KAZN: variants seen among roughly 807,000 people sequenced by gnomAD.
KAZN encodes kazrin.
Under a neutral mutation model 87.4 loss-of-function variants are expected in KAZN, and 40 were observed. The observed-to-expected ratio is 0.46, with a 90% CI of 0.36 to 0.60. The LOEUF is 0.60. KAZN is among the 20% of genes least tolerant of loss of function. The pLI is 0.00. For synonymous variants in KAZN, 466 were observed against 458.3 expected, an observed-to-expected ratio of 1.02 and a Z score of -0.22; for missense variants, 898 against 1,073.9, an observed-to-expected ratio of 0.84 and a Z score of 2.29.
chr1:14,609,333 C>T (rs1677629106), intron 1 of KAZN, among the ~76,000 whole-genome samples: 1 of 152,108 alleles, frequency 6.6e-6, no homozygotes, highest in Admixed American at 6.5e-5. Context: ...ACCAGGCAGC[C>T]CTGCTGGAGG....
chr1:14,629,874 G>A lies in KAZN; in HGVS notation c.226+30651G>A, dbSNP rs149529969. On this transcript the variant is annotated intron_variant, in intron 1 of 14. Coordinates refer to ENST00000376030, the MANE Select transcript of KAZN (RefSeq NM_201628.3). ...CTGGGGCTAGGGCTGGAGAAAACCC[G>A]GCAGCCTGCTGGTGGATGTTGATCA... is the stretch of plus-strand genomic sequence containing the variant. Among the ~76,000 whole-genome samples the A allele has an allele frequency of 5.2e-3, 784 of 152,190 alleles. 14 individuals carry two copies. The highest frequency in any genetic ancestry group is 0.018 in the African/African-American group (748 of 41,504).
At chr1:13,966,671 A>C (rs1641956672) in intron 1 of KAZN, among the ~76,000 whole-genome samples, 1 of 152,206 alleles carries the variant, frequency 6.6e-6, no homozygotes, top group East Asian at 1.9e-4. Flanking sequence ...TGGGTGCTCC[A>C]AGTGTGGCTA....
rs1645572004 is a variant in KAZN, at chr1:14,155,438, C to A, written c.92-24997C>A. Among the ~76,000 whole-genome samples the A allele has an allele frequency of 2.0e-5, 3 of 151,984 alleles. No individual in the cohort carries two copies. In the South Asian group the frequency reaches 6.2e-4, roughly 32 times the overall value. Reference sequence around the variant, plus strand: ...TTCTCTCTTTTTTTTCTTAGTCTTGCTAATGATTTGTCAATTTTGCTTATC... The same window carrying A: ...TTCTCTCTTTTTTTTCTTAGTCTTGATAATGATTTGTCAATTTTGCTTATC... On this transcript the variant is annotated intron_variant, in intron 1 of 16. Transcript: ENST00000636203.
At chr1:13,972,970 A>T (rs1361589564) in intron 1 of KAZN, among the ~76,000 whole-genome samples, 1 of 152,214 alleles carries the variant, frequency 6.6e-6, no homozygotes, top group East Asian at 1.9e-4. Context: ...TGTCTATCAC[A>T]TGCCAGGAAT....
intron 1 of KAZN, among the ~76,000 whole-genome samples, chr1:14,902,574 C>T (rs551992615): frequency 6.6e-6 from 1 of 152,162 alleles, no homozygotes; most frequent in East Asian, 1.9e-4. Context: ...CAAGGGGAGG[C>T]TAATATTCAG....
chr1:15,093,572 C>A (rs139610737), intron 8 of KAZN, among the ~76,000 whole-genome samples: 1 of 152,010 alleles, frequency 6.6e-6, no homozygotes, highest in African/African-American at 2.4e-5. Flanking sequence ...CATAAGGTAA[C>A]ATAGACAGAT....
intron 2 of KAZN, among the ~76,000 whole-genome samples, chr1:14,515,990 G>A (rs12733185): frequency 0.48 from 73,301 of 151,874 alleles, 18,615 homozygotes; most frequent in South Asian, 0.63. Flanking sequence ...TGTATCACTA[G>A]GGCCTAAACA....
At chr1:14,763,307 G>C (rs1019207472) in intron 1 of KAZN, among the ~76,000 whole-genome samples, 3 of 152,218 alleles carry the variant, frequency 2.0e-5, no homozygotes, top group African/African-American at 7.2e-5. Flanking sequence ...TGCTTGCAAG[G>C]AATTCCTCTT....
chr1:14,341,166 TA>T (rs61163804), intron 2 of KAZN, among the ~76,000 whole-genome samples: 151,443 of 151,972 alleles, frequency 1, 75,458 homozygotes, highest in Middle Eastern at 1. Context: ...GTGTTGGGAT[TA>T]ACAGGCATGA....
intron 2 of KAZN, among the ~76,000 whole-genome samples, chr1:14,306,711 C>T (rs1654956055): frequency 6.6e-6 from 1 of 152,162 alleles, no homozygotes; most frequent in Non-Finnish European, 1.5e-5. Context: ...AGCAGCCAAT[C>T]GCAGACCATG....
chr1:14,929,069 T>C (rs2101559497), intron 1 of KAZN, among the ~76,000 whole-genome samples: 1 of 152,208 alleles, frequency 6.6e-6, no homozygotes, highest in East Asian at 1.9e-4. Flanking sequence ...CAGTTTACCC[T>C]TCTGTAAAAT....
chr1:15,109,937 G>GTGTTTGTGTGTT (rs758013389), intron 13 of KAZN, among the ~76,000 whole-genome samples: 45 of 140,558 alleles, frequency 3.2e-4, no homozygotes, highest in Non-Finnish European at 5.1e-4. Flanking sequence ...GTGTGTGTGT[G>GTGTTTGTGTGTT]TGTGTTTGTG....
chr1:14,093,513 C>T (rs1427314851), intron 1 of KAZN, among the ~76,000 whole-genome samples: 1 of 152,116 alleles, frequency 6.6e-6, no homozygotes, highest in Non-Finnish European at 1.5e-5. Flanking sequence ...TCCCTGTCTG[C>T]CTGATATGAC....
At chr1:14,381,777 GC>G (rs2101050813) in intron 2 of KAZN, among the ~76,000 whole-genome samples, 1 of 152,248 alleles carries the variant, frequency 6.6e-6, no homozygotes, top group East Asian at 1.9e-4. Context: ...CAACAAGGAT[GC>G]CCACTGTCAC....
intron 4 of KAZN, among the ~76,000 whole-genome samples, chr1:15,049,282 G>A (rs970129725): frequency 5.3e-5 from 8 of 152,218 alleles, no homozygotes; most frequent in African/African-American, 1.9e-4. Flanking sequence ...CTGGGAGCCC[G>A]GCTCACACGG....
Position 15,023,613 on chromosome 1 carries a change from G to A in KAZN, c.419-11136G>A, listed in dbSNP as rs72869614. ...TTGTAGACCATTGGAAGGACTTTGCGCTCCCCCTTGATGGGGACAGGAGTT... is the reference window on the plus strand; with the variant it reads ...TTGTAGACCATTGGAAGGACTTTGCACTCCCCCTTGATGGGGACAGGAGTT... On this transcript the variant is annotated intron_variant, in intron 2 of 14. Coordinates refer to ENST00000376030, the MANE Select transcript of KAZN (RefSeq NM_201628.3). 6.0e-3 allele frequency among the ~76,000 whole-genome samples: 920 copies of A among 152,242 alleles called. 10 individuals carry two copies. The highest frequency in any genetic ancestry group is 0.021 in the African/African-American group (867 of 41,548).
intron 1 of KAZN, among the ~76,000 whole-genome samples, chr1:14,776,438 C>T (rs1488748524): frequency 6.6e-6 from 1 of 152,190 alleles, no homozygotes; most frequent in East Asian, 1.9e-4. Context: ...TGGGATCTGC[C>T]CTCACTGCAT....
At chr1:14,441,766 T>C (rs1571656678) in intron 2 of KAZN, among the ~76,000 whole-genome samples, 1 of 152,150 alleles carries the variant, frequency 6.6e-6, no homozygotes, top group Non-Finnish European at 1.5e-5. Flanking sequence ...GAAATAATGG[T>C]GTATGCTCAC....
rs1416014795 is a variant in KAZN at position 14,599,651 on chromosome 1, C to G, written c.226+428C>G. ...CAGAGAGAGCTCCGGGCTCTGCCGC[C>G]GTGGTTGGGATAGAGGATTGCACTG... On this transcript the variant is annotated intron_variant, in intron 1 of 14. Coordinates refer to ENST00000376030, the MANE Select transcript of KAZN (RefSeq NM_201628.3). The surrounding 1 kb of genome is among the most constrained non-coding windows in gnomAD (Gnocchi z 4.4). Among the ~76,000 whole-genome samples, 1 of 152,178 alleles carries G rather than the reference C, an allele frequency of 6.6e-6. No homozygotes were observed. The highest frequency in any genetic ancestry group is 1.5e-5 in the Non-Finnish European group (1 of 68,036).
Sources: allele counts gnomAD v4.1 joint callset (sites outside exome capture counted in the v4.1 genomes callset), GRCh38; gene constraint gnomAD v4.1.1; non-coding constraint Gnocchi (gnomAD v3.1); transcripts MANE v1.5; gene names NCBI Gene and HGNC (gene_info 2026-07-23, HGNC 2026-07-21).